The following SLC35F4 variants were observed in gnomAD, a reference collection of about 807,000 sequenced individuals.
SLC35F4 encodes the protein solute carrier family 35 member F4.
In SLC35F4, 24 loss-of-function variants were observed where a neutral mutation model predicts 44.2. The ratio of observed to expected loss-of-function variants is 0.54; its 90% CI spans 0.39 to 0.76. The LOEUF (loss-of-function observed/expected upper bound fraction) is 0.76, where lower values mean the gene tolerates loss of function less well. Ranked by LOEUF, SLC35F4 falls within the 30% of genes least tolerant of loss-of-function variation. The pLI is 0.00. For synonymous variants in SLC35F4, 238 were observed against 223.6 expected (o/e 1.06, Z -0.57); for missense variants, 562 against 586.1 (o/e 0.96, Z 0.42).
intron 1 of SLC35F4, among the ~76,000 whole-genome samples, chr14:57,783,507 G>A (rs953144452): frequency 1.3e-5 from 2 of 152,120 alleles, no homozygotes; most frequent in Admixed American, 6.5e-5. Context: ...AAATGTAGTT[G>A]GGTTTATCAT....
At chr14:57,885,871 A>G (rs1300733083) in intron 1 of SLC35F4, among the ~76,000 whole-genome samples, 2 of 152,190 alleles carry the variant, frequency 1.3e-5, no homozygotes, top group African/African-American at 4.8e-5. Context: ...CCCTCTACAA[A>G]TCTTCCCAGA....
intron 1 of SLC35F4, among the ~76,000 whole-genome samples, chr14:57,662,489 T>A (rs1027780405): frequency 6.6e-5 from 10 of 152,208 alleles, no homozygotes; most frequent in Non-Finnish European, 1.2e-4. Context: ...TAGTTCTTGT[T>A]AGAGCAGGTT....
rs916202176 is a variant in SLC35F4 at position 57,880,728 on chromosome 14, G to A, written n.282+101185C>T. Among the ~76,000 whole-genome samples, 4 of 152,138 alleles carry A rather than the reference G, an allele frequency of 2.6e-5. No homozygotes were observed. In the East Asian group the frequency reaches 7.7e-4, roughly 29 times the overall value. On this transcript the variant is annotated intron_variant and non_coding_transcript_variant, in intron 1 of 1. Transcript: ENST00000556568. ...CAGGAGGACACTGGGCAGATTGTCT[G>A]GAGATCTCATTGAGTGGTATTACCT...
intron 2 of SLC35F4, among the ~76,000 whole-genome samples, chr14:57,593,011 A>C (rs1283345738): frequency 3.9e-5 from 6 of 152,224 alleles, no homozygotes; most frequent in African/African-American, 1.4e-4. Context: ...AGGTAGGGCT[A>C]TCATGGACAC....
At chr14:57,901,515 C>T (rs2141045444) in intron 1 of SLC35F4, among the ~76,000 whole-genome samples, 1 of 151,922 alleles carries the variant, frequency 6.6e-6, no homozygotes, top group Middle Eastern at 3.4e-3. Flanking sequence ...ACGCTGGGGC[C>T]TGGGTAGTGT....
intron 1 of SLC35F4, among the ~76,000 whole-genome samples, chr14:57,698,213 T>C (rs1440217676): frequency 2.6e-5 from 4 of 152,158 alleles, no homozygotes; most frequent in Admixed American, 6.5e-5. Flanking sequence ...TAAGGATATA[T>C]CATAATTTAT....
chr14:57,930,591 T>C (rs1483606257), intron 1 of SLC35F4, among the ~76,000 whole-genome samples: 1 of 152,142 alleles, frequency 6.6e-6, no homozygotes, highest in Non-Finnish European at 1.5e-5. Flanking sequence ...AGATAAATGT[T>C]TGGGTTTTCC....
intron 4 of SLC35F4, chr14:57,578,743 C>T (rs1401695729): frequency 6.6e-6 from 1 of 152,128 alleles, no homozygotes; most frequent in East Asian, 1.9e-4. Context: ...GCTTACTATT[C>T]TGCTATCTAT....
At chr14:57,601,644 T>A (rs1310191895) in intron 1 of SLC35F4, among the ~76,000 whole-genome samples, 3 of 152,234 alleles carry the variant, frequency 2.0e-5, no homozygotes, top group Non-Finnish European at 4.4e-5. Flanking sequence ...AATGGTTATA[T>A]TTCTGTTATA....
intron 1 of SLC35F4, among the ~76,000 whole-genome samples, chr14:57,729,193 C>T (rs1381300366): frequency 6.6e-6 from 1 of 152,174 alleles, no homozygotes; most frequent in East Asian, 1.9e-4. Flanking sequence ...ACATCAATAT[C>T]TTCCTCTTAA....
chr14:57,754,706 T>C (rs8014539), intron 1 of SLC35F4, among the ~76,000 whole-genome samples: 7,216 of 152,322 alleles, frequency 0.047, 178 homozygotes, highest in African/African-American at 0.073. Flanking sequence ...CCTGTTAGTG[T>C]ATTCCACCTA....
At chr14:57,696,917 C>T (rs746271476) in intron 1 of SLC35F4, among the ~76,000 whole-genome samples, 11 of 151,888 alleles carry the variant, frequency 7.2e-5, no homozygotes, top group Non-Finnish European at 1.5e-4. Flanking sequence ...GGGGCCTGTC[C>T]GGGGTTGTGG....
intron 1 of SLC35F4, among the ~76,000 whole-genome samples, chr14:57,858,752 A>G (rs1207079016): frequency 6.6e-6 from 1 of 151,526 alleles, no homozygotes; most frequent in Non-Finnish European, 1.5e-5. Context: ...GAGCTGCATG[A>G]TGAGACTATG....
At chr14:57,634,164 C>T (rs555622680) in intron 1 of SLC35F4, among the ~76,000 whole-genome samples, 44 of 152,186 alleles carry the variant, frequency 2.9e-4, no homozygotes, top group Non-Finnish European at 5.6e-4. Context: ...TGGGATAAAA[C>T]GGGAAGCAAA....
intron 1 of SLC35F4, among the ~76,000 whole-genome samples, chr14:57,908,142 A>G (rs1460939580): frequency 6.6e-6 from 1 of 152,214 alleles, no homozygotes; most frequent in African/African-American, 2.4e-5. Context: ...TTATGGCTGC[A>G]TAGTAGTCCA....
intron 1 of SLC35F4, among the ~76,000 whole-genome samples, chr14:57,737,140 T>C (rs1459608955): frequency 6.6e-6 from 1 of 150,570 alleles, no homozygotes; most frequent in East Asian, 1.9e-4. Context: ...GTGTGTGTGT[T>C]AGGAGAGAGA....
In SLC35F4 at chr14:57,848,605, T is replaced by C. The variant is rs954639224; in HGVS notation, c.103+17118A>G. On this transcript the variant is annotated intron_variant, in intron 1 of 7. Transcript: ENST00000556826. ...TGGGAGATGATTCTCCATGAGTCTT[T>C]CCTGCATTTCCACATATCATGTGCA... is the stretch of plus-strand genomic sequence containing the variant. 7.2e-5 allele frequency among the ~76,000 whole-genome samples: 11 copies of C among 152,230 alleles called. 1 individual carries two copies. Among genetic ancestry groups the C allele is most frequent in the Admixed American group, 7.2e-4 (11 of 15,288 alleles).
chr14:57,785,446 T>C (rs775175472), intron 1 of SLC35F4, among the ~76,000 whole-genome samples: 1 of 152,336 alleles, frequency 6.6e-6, no homozygotes, highest in Non-Finnish European at 1.5e-5. Context: ...ATTGCAGTTC[T>C]GTACAGAGCA....
At chr14:57,860,607 A>T (rs1164835299) in intron 1 of SLC35F4, among the ~76,000 whole-genome samples, 1 of 152,226 alleles carries the variant, frequency 6.6e-6, no homozygotes, top group East Asian at 1.9e-4. Flanking sequence ...ATTCAACCAT[A>T]CATCAACACA....
Sources: allele counts gnomAD v4.1 joint callset (sites outside exome capture counted in the v4.1 genomes callset), GRCh38; gene constraint gnomAD v4.1.1; transcripts MANE v1.5; gene names NCBI Gene and HGNC (gene_info 2026-07-23, HGNC 2026-07-21).